FAM53B: variants seen among roughly 807,000 people sequenced by gnomAD.
FAM53B encodes family with sequence similarity 53 member B, also known as protein FAM53B.
Under a neutral mutation model 32.7 loss-of-function variants are expected in FAM53B, and 12 were observed. That is an observed-to-expected ratio of 0.37 (90% CI 0.24 to 0.59). The LOEUF is 0.59. Among genes scored for constraint, FAM53B ranks in the 20% least tolerant of loss-of-function variants. The pLI, the probability that FAM53B is intolerant of heterozygous loss-of-function variation, is 0.72. For missense variants in FAM53B, 477 were observed against 577.7 expected (o/e 0.83, Z 1.79); for synonymous variants, 234 against 228.7 (o/e 1.02, Z -0.21).
intron 4 of FAM53B, chr10:124,667,409 T>G (rs749377054): frequency 6.5e-6 from 5 of 770,310 alleles, no homozygotes; most frequent in Non-Finnish European, 1.2e-5. Flanking sequence ...TGTGCCTTCC[T>G]CATGGGGCTA....
At chr10:124,730,689 G>A (rs903787907) in intron 1 of FAM53B, among the ~76,000 whole-genome samples, 4 of 152,184 alleles carry the variant, frequency 2.6e-5, no homozygotes, top group Non-Finnish European at 4.4e-5. Context: ...GGTGACCACC[G>A]CATGCAGCTA....
At chr10:124,681,141 A>G (rs1055605780) in intron 4 of FAM53B, among the ~76,000 whole-genome samples, 14 of 152,222 alleles carry the variant, frequency 9.2e-5, no homozygotes, top group Admixed American at 2.6e-4. Context: ...AATCAAAGGA[A>G]TAAGTCCCCC....
At position 124,706,558 on chromosome 10, in the gene FAM53B, GTGCTCAGTCCACAGCCCTGTC is replaced by G. The variant is rs1949959849; in HGVS notation, c.78+57_78+77del. On this transcript the variant is annotated intron_variant, in intron 2 of 4. Transcript: ENST00000337318. The stretch of plus-strand genomic sequence containing the variant: ...TCTGGACTCGATTTGCTAAGCTTAG[GTGCTCAGTCCACAGCCCTGTC>G]TGTACATCAGGCCTCAGAAATGGTC... 4 of 1,578,402 alleles carry G rather than the reference GTGCTCAGTCCACAGCCCTGTC, an allele frequency of 2.5e-6. No individual in the cohort carries two copies. In the Admixed American group the frequency reaches 6.7e-5, roughly 26 times the overall value.
intron 1 of FAM53B, among the ~76,000 whole-genome samples, chr10:124,708,802 C>G (rs537129714): frequency 1.0e-4 from 16 of 152,382 alleles, no homozygotes; most frequent in African/African-American, 3.8e-4. Context: ...CCTGTTCCCT[C>G]CTCCCCCATT....
chr10:124,655,723 C>T (rs1949585352), intron 4 of FAM53B, among the ~76,000 whole-genome samples: 2 of 152,346 alleles, frequency 1.3e-5, no homozygotes, highest in South Asian at 2.1e-4. Context: ...CTCCCACACA[C>T]GCCAGCCTTG....
intron 4 of FAM53B, among the ~76,000 whole-genome samples, chr10:124,626,261 C>T (rs757782134): frequency 9.2e-5 from 14 of 152,240 alleles, no homozygotes; most frequent in Admixed American, 1.3e-4. Flanking sequence ...CTCACCCTCT[C>T]GGTCCTGCTC....
At chr10:124,685,907 G>A (rs1017089192) in intron 3 of FAM53B, among the ~76,000 whole-genome samples, 5 of 152,136 alleles carry the variant, frequency 3.3e-5, no homozygotes, top group Admixed American at 2.0e-4. Context: ...TGGCCCATTC[G>A]CTTCAGCTGT....
chr10:124,678,146 C>G (rs934096788), intron 4 of FAM53B, among the ~76,000 whole-genome samples: 1 of 152,228 alleles, frequency 6.6e-6, no homozygotes, highest in African/African-American at 2.4e-5. Context: ...AGACTGAGGG[C>G]ACCTCCCAGG....
intron 1 of FAM53B, among the ~76,000 whole-genome samples, chr10:124,735,430 A>G (rs1199681630): frequency 6.6e-6 from 1 of 152,254 alleles, no homozygotes; most frequent in Admixed American, 6.5e-5. Context: ...TCTTGGTAAC[A>G]GACACACTGC....
intron 4 of FAM53B, among the ~76,000 whole-genome samples, chr10:124,677,858 A>G (rs1949745996): frequency 2.0e-5 from 3 of 152,180 alleles, no homozygotes; most frequent in Admixed American, 1.3e-4. Context: ...CCCTAGTTTC[A>G]AGGGCAACAG....
rs1000328575 is a variant in FAM53B, at chr10:124,620,817, C to G, written c.*2425G>C. The G allele has an allele frequency of 2.6e-5, 4 of 152,440 alleles. No individual in the cohort carries two copies. Among genetic ancestry groups the G allele is most frequent in the Non-Finnish European group, 5.9e-5 (4 of 68,206 alleles). 9.4% of individuals were successfully genotyped at this position (152,440 alleles called of 1,614,324 possible). ...GAAGGGATAGCCACCATTTTCTCCC[C>G]TGACTGCTGCGTGGTGGGCACAGGA... On this transcript the variant is annotated 3_prime_UTR_variant, in exon 5 of 5. Transcript: ENST00000337318.
At chr10:124,632,892 T>C (rs1190128452) in intron 4 of FAM53B, among the ~76,000 whole-genome samples, 1 of 152,234 alleles carries the variant, frequency 6.6e-6, no homozygotes, top group South Asian at 2.1e-4. Flanking sequence ...TGGACAGGCC[T>C]GGGCTGGAAT....
At chr10:124,730,814 G>A (rs767502916) in intron 1 of FAM53B, among the ~76,000 whole-genome samples, 7 of 152,162 alleles carry the variant, frequency 4.6e-5, no homozygotes, top group East Asian at 1.9e-4. Flanking sequence ...GCCCAGGTCC[G>A]GAGTGCAGAG....
intron 3 of FAM53B, among the ~76,000 whole-genome samples, chr10:124,693,531 A>G (rs1249863978): frequency 6.6e-6 from 1 of 151,602 alleles, no homozygotes; most frequent in Non-Finnish European, 1.5e-5. Context: ...GGTGGAGTGC[A>G]CTCCCAGTTC....
chr10:124,688,799 T>C (rs892719644), intron 3 of FAM53B, among the ~76,000 whole-genome samples: 2 of 152,206 alleles, frequency 1.3e-5, no homozygotes, highest in Non-Finnish European at 2.9e-5. Context: ...CAAATGTTCT[T>C]ATTTCCATTC....
At chr10:124,653,034 G>A (rs752008539) in intron 4 of FAM53B, among the ~76,000 whole-genome samples, 17 of 152,144 alleles carry the variant, frequency 1.1e-4, no homozygotes, top group African/African-American at 1.7e-4. Flanking sequence ...TAGGACCCAC[G>A]TGCCCTTGAG....
Position 124,706,771 on chromosome 10 carries a change from G to C in FAM53B, c.-58C>G, listed in dbSNP as rs1949962193. Reference sequence around the variant, plus strand: ...GGGTGGGTATCAGCCATCTTCACTTGGGCAGACTTGGGGTGAGTACCTCCT... The same window carrying C: ...GGGTGGGTATCAGCCATCTTCACTTCGGCAGACTTGGGGTGAGTACCTCCT... On this transcript the variant is annotated 5_prime_UTR_variant, in exon 2 of 5. Transcript: ENST00000337318. 2 of 1,612,314 alleles carry C rather than the reference G, an allele frequency of 1.2e-6. No individual in the cohort carries two copies. The highest frequency in any genetic ancestry group is 3.3e-5 in the Admixed American group (2 of 59,984).
At chr10:124,636,197 C>G in intron 4 of FAM53B, among the ~76,000 whole-genome samples, 1 of 152,166 alleles carries the variant, frequency 6.6e-6, no homozygotes, top group Non-Finnish European at 1.5e-5. Context: ...GGTCGAATTC[C>G]CACCCCATCT....
At chr10:124,648,475 T>A (rs538208052) in intron 4 of FAM53B, among the ~76,000 whole-genome samples, 1 of 152,202 alleles carries the variant, frequency 6.6e-6, no homozygotes, top group South Asian at 2.1e-4. Flanking sequence ...TCCCCGCTCC[T>A]TGGGAGCCTC....
Sources: gnomAD v4.1 joint callset for allele counts (sites outside exome capture counted in the v4.1 genomes callset) on GRCh38, gnomAD v4.1.1 for gene constraint, MANE v1.5 for transcripts, NCBI Gene and HGNC (gene_info 2026-07-23, HGNC 2026-07-21) for gene names.